Variants in ADAMTSL2 observed in about 807,000 individuals in gnomAD.
ADAMTSL2 encodes the protein ADAMTS-like protein 2.
A neutral mutation model predicts 117.0 loss-of-function variants in ADAMTSL2; 55 were observed. That is an observed-to-expected ratio of 0.47 (90% CI 0.38 to 0.59). The LOEUF (loss-of-function observed/expected upper bound fraction) is 0.59. Among genes scored for constraint, ADAMTSL2 ranks in the 20% least tolerant of loss-of-function variants. ADAMTSL2 has a pLI of 0.00. For missense variants in ADAMTSL2, 1,182 were observed against 1,354.5 expected (o/e 0.87, Z 2.00); for synonymous variants, 572 against 566.4 (o/e 1.01, Z -0.14).
rs1260482203 is a variant in ADAMTSL2, at chr9:133,563,972, A to G, written c.1747+2677A>G. On this transcript the variant is annotated intron_variant, in intron 12 of 18. Coordinates refer to ENST00000651351, the MANE Select transcript of ADAMTSL2 (RefSeq NM_014694.4). Reference sequence around the variant, plus strand: ...GAGAGAGAGAGGGAGAGAGAGAGGGAGAGAGAGAGAGAGAGGGAGAGAGAG... The same window carrying G: ...GAGAGAGAGAGGGAGAGAGAGAGGGGGAGAGAGAGAGAGAGGGAGAGAGAG... Among the ~76,000 whole-genome samples, 3 of 12,966 alleles carry G rather than the reference A, an allele frequency of 2.3e-4. 1 individual carries two copies. Among genetic ancestry groups the G allele is most frequent in the African/African-American group, 7.0e-4 (1 of 1,426 alleles). The allele number at this position is 12,966 out of a possible 152,430, so 8.5% of individuals were successfully genotyped here.
At chr9:133,544,280 C>T (rs564802427) in intron 7 of ADAMTSL2, among the ~76,000 whole-genome samples, 190 bp from the exon 8 acceptor site, 3 of 152,122 alleles carry the variant, frequency 2.0e-5, no homozygotes, top group African/African-American at 4.8e-5. Context: ...TGAGCCTGGG[C>T]AGGTGCCCAG....
intron 2 of ADAMTSL2, among the ~76,000 whole-genome samples, 165 bp downstream of exon 2, chr9:133,536,967 C>A (rs1830067760): frequency 1.3e-5 from 2 of 152,248 alleles, no homozygotes; most frequent in African/African-American, 4.8e-5. Flanking sequence ...TCAGATCAGC[C>A]TCTGAACTGG....
At chr9:133,546,897 C>G in intron 8 of ADAMTSL2, 141 bp from the exon 9 acceptor site, 1 of 878,776 alleles carries the variant, frequency 1.1e-6, no homozygotes, top group East Asian at 2.4e-5. Flanking sequence ...GCCAGACTCT[C>G]CATGATGGGA....
chr9:133,551,181 C>G (rs987150955), intron 9 of ADAMTSL2, among the ~76,000 whole-genome samples: 2 of 152,220 alleles, frequency 1.3e-5, no homozygotes, highest in Admixed American at 1.3e-4. Flanking sequence ...CCAGGCCAGT[C>G]CTGGATGGGG....
intron 8 of ADAMTSL2, among the ~76,000 whole-genome samples, chr9:133,545,722 A>G (rs1335599930): frequency 6.6e-6 from 1 of 152,192 alleles, no homozygotes; most frequent in Non-Finnish European, 1.5e-5. Flanking sequence ...ACAGACGCGT[A>G]GAAATACCAA....
At chr9:133,534,579 G>T, upstream of ADAMTSL2, 1 of 1,122,962 alleles carries the variant, frequency 8.9e-7, no homozygotes, top group South Asian at 4.2e-5. Flanking sequence ...CTCCAGAGGC[G>T]CAGAGCGGGT....
chr9:133,539,629 C>T, intron 4 of ADAMTSL2, 142 bp from the exon 5 acceptor site: 1 of 133,664 alleles, frequency 7.5e-6, no homozygotes, highest in Non-Finnish European at 1.2e-5. Context: ...CCCTAGAGGC[C>T]ACCCCGTGGG....
chr9:133,572,057 C>G (rs1390618004), intron 17 of ADAMTSL2, among the ~76,000 whole-genome samples: 1 of 152,132 alleles, frequency 6.6e-6, no homozygotes, highest in Non-Finnish European at 1.5e-5. Flanking sequence ...CTGTGAGGAG[C>G]GAGCTGGGGA....
chr9:133,574,720 T>C (rs953238852), intron 18 of ADAMTSL2, 26 bp from the exon 19 acceptor site: 30 of 1,605,980 alleles, frequency 1.9e-5, no homozygotes, highest in Non-Finnish European at 2.5e-5. Flanking sequence ...GAAACTGCCC[T>C]GCTTCGCTCT....
At chr9:133,565,451 AG>A (rs1291537871) in intron 12 of ADAMTSL2, among the ~76,000 whole-genome samples, 2 of 152,258 alleles carry the variant, frequency 1.3e-5, no homozygotes, top group Non-Finnish European at 2.9e-5. Flanking sequence ...GCAAGTCCCC[AG>A]CCCCGCACCT....
chr9:133,542,073 C>T (rs1209530992), intron 7 of ADAMTSL2, among the ~76,000 whole-genome samples: 2 of 152,162 alleles, frequency 1.3e-5, no homozygotes, highest in African/African-American at 2.4e-5. Flanking sequence ...TAGAACCAGG[C>T]CTGTTAGGGC....
At chr9:133,565,109 T>C (rs1456314482) in intron 12 of ADAMTSL2, among the ~76,000 whole-genome samples, 1 of 152,170 alleles carries the variant, frequency 6.6e-6, no homozygotes, top group African/African-American at 2.4e-5. Flanking sequence ...GTGAGGACAG[T>C]GGATCCTGCG....
chr9:133,564,169 A>G (rs1335432586), intron 12 of ADAMTSL2, among the ~76,000 whole-genome samples: 1 of 30,808 alleles, frequency 3.2e-5, no homozygotes, highest in Non-Finnish European at 7.1e-5. Flanking sequence ...AGAGAAAGGG[A>G]GAGAGAGAGA....
At position 133,535,041 on chromosome 9, in the gene ADAMTSL2, C is replaced by T. The variant is rs917196499; in HGVS notation, c.-151+124C>T. 5.4e-6 allele frequency: 7 copies of T among 1,285,104 alleles called. No individual in the cohort carries two copies. The African/African-American group carries it at 1.1e-4, about 20-fold the overall frequency. The allele number at this position is 1,285,104 out of a possible 1,614,324, so 79.6% of individuals were successfully genotyped here. A position where few individuals can be genotyped will look rare whatever the true frequency, so the allele number is the denominator to read the frequency against. On this transcript the variant is annotated intron_variant, in intron 1 of 18. Coordinates refer to ENST00000651351, the MANE Select transcript of ADAMTSL2 (RefSeq NM_014694.4). The stretch of plus-strand genomic sequence containing the variant: ...GGAGCCGTTACATAACGTGGGGAGG[C>T]TTGTGGGGAGGGGTCGGGCCGCAGA...
intron 15 of ADAMTSL2, 114 bp downstream of exon 15, chr9:133,568,872 A>G: frequency 7.3e-7 from 1 of 1,367,900 alleles, no homozygotes; most frequent in Non-Finnish European, 1.0e-6. Context: ...GAGGTCAAGA[A>G]TGTCCAACCA....
intron 12 of ADAMTSL2, among the ~76,000 whole-genome samples, chr9:133,562,996 G>A (rs1180864541): frequency 6.6e-6 from 1 of 151,614 alleles, no homozygotes; most frequent in African/African-American, 2.4e-5. Context: ...GGCTCGCACC[G>A]CTGTGGGCGG....
chr9:133,537,072 G>T lies in ADAMTSL2; in HGVS notation c.90+270G>T, dbSNP rs28428714. ...CAAGTGAAGGCCCCAGCACGGCCAG[G>T]GTAGGCTGTGTCCTGCAGAACGCAG... On this transcript the variant is annotated intron_variant, in intron 2 of 18. Coordinates refer to ENST00000651351, the MANE Select transcript of ADAMTSL2 (RefSeq NM_014694.4). Among the ~76,000 whole-genome samples, 502 of 152,284 alleles carry T rather than the reference G, an allele frequency of 3.3e-3. 3 individuals carry two copies. Among genetic ancestry groups the T allele is most frequent in the African/African-American group, 0.012 (485 of 41,564 alleles).
chr9:133,566,706 G>A (rs936641595), intron 12 of ADAMTSL2, among the ~76,000 whole-genome samples: 2 of 137,230 alleles, frequency 1.5e-5, no homozygotes, highest in East Asian at 2.6e-4. Flanking sequence ...GGAACTGGGA[G>A]CCCAGCTGGG....
rs1422289323 is a variant in ADAMTSL2 at position 133,569,412 on chromosome 9, G to A, written c.2249G>A (p.Ser750Asn). The A allele has an allele frequency of 1.7e-5, 27 of 1,613,334 alleles. No individual in the cohort carries two copies. Among genetic ancestry groups the A allele is most frequent in the Non-Finnish European group, 2.2e-5 (26 of 1,180,016 alleles). The change falls in exon 16 of 19, where the codon AGT (serine) becomes AAT (asparagine). Residue 750 changes from serine to asparagine, a missense_variant. Ser to Asn is a conservative substitution (Grantham distance 46, BLOSUM62 1). This residue lies in a region of ADAMTSL2 where 465 missense variants were observed against 565.3 expected (regional missense o/e 0.82). Coordinates refer to ENST00000651351, the MANE Select transcript of ADAMTSL2 (RefSeq NM_014694.4). ...QWTVSDWGPCSGSCGQGRTIR... is the reference protein window; with the variant it reads ...QWTVSDWGPCNGSCGQGRTIR... ...TGCCTGTCCTCTCCCCTGCAGTGCA[G>A]TGGAAGCTGCGGGCAAGGCCGCACC...
Sources: gnomAD v4.1 joint callset for allele counts (sites outside exome capture counted in the v4.1 genomes callset) on GRCh38, gnomAD v4.1.1 for gene constraint, gnomAD v4.1.1 regional missense constraint, MANE v1.5 for transcripts, NCBI Gene and HGNC (gene_info 2026-07-23, HGNC 2026-07-21) for gene names.